LUC7L3: variants seen among roughly 807,000 people sequenced by gnomAD.
LUC7L3 encodes the protein LUC7 like 3 pre-mRNA splicing factor.
In LUC7L3, 6 loss-of-function variants were observed where a neutral mutation model predicts 66.8. That is an observed-to-expected ratio of 0.09 (90% CI 0.05 to 0.18). The LOEUF (loss-of-function observed/expected upper bound fraction) is 0.18. LUC7L3 is among the 10% of genes least tolerant of loss of function. The probability of loss-of-function intolerance (pLI) is 1.00; values close to 1 mark genes in which losing one functional copy is unlikely to be tolerated. For missense variants in LUC7L3, 341 were observed against 531.1 expected, an observed-to-expected ratio of 0.64 and a Z score of 3.52; for synonymous variants, 160 against 174.7, an observed-to-expected ratio of 0.92 and a Z score of 0.66.
At chr17:50,749,432 G>T in intron 9 of LUC7L3, 1 of 1,127,030 alleles carries the variant, frequency 8.9e-7, no homozygotes, top group Non-Finnish European at 1.1e-6. Flanking sequence ...CTTGGACATT[G>T]CTTTGTGTAT....
intron 1 of LUC7L3, among the ~76,000 whole-genome samples, chr17:50,729,375 C>T (rs140152828): frequency 1.9e-3 from 285 of 152,280 alleles, no homozygotes; most frequent in African/African-American, 6.4e-3. Flanking sequence ...TGTTTATTTT[C>T]ATGCATTTGT....
intron 6 of LUC7L3, 143 bp downstream of exon 6, chr17:50,743,953 A>T: frequency 1.6e-6 from 1 of 634,110 alleles, no homozygotes; most frequent in Non-Finnish European, 2.8e-6. Flanking sequence ...GGCATCTACT[A>T]AGCTCTGCCT....
chr17:50,725,086 G>T (rs1969085722), intron 1 of LUC7L3, among the ~76,000 whole-genome samples: 1 of 152,078 alleles, frequency 6.6e-6, no homozygotes. Flanking sequence ...AGTAAGTTAG[G>T]AAAATTGTTG....
Position 50,755,623 on chromosome 17 carries a change from G to T in LUC7L3, c.*4962G>T, listed in dbSNP as rs1287710279. On this transcript the variant is annotated 3_prime_UTR_variant, in exon 10 of 10. Transcript: ENST00000505658. ...ATAGGTCATTTGTCAACAGATTTAA[G>T]AATGTTTAGAAACAACAACTTTGGG... 6.6e-6 allele frequency: 1 copy of T among 152,156 alleles called. No individual in the cohort carries two copies. Among genetic ancestry groups the T allele is most frequent in the Non-Finnish European group, 1.5e-5 (1 of 68,020 alleles). The allele number at this position is 152,156 out of a possible 1,614,324, so 9.4% of individuals were successfully genotyped here. A position where few individuals can be genotyped will look rare whatever the true frequency, so the allele number is the denominator to read the frequency against.
At chr17:50,729,960 G>A (rs961562540) in intron 1 of LUC7L3, among the ~76,000 whole-genome samples, 5 of 138,400 alleles carry the variant, frequency 3.6e-5, no homozygotes, top group Non-Finnish European at 3.1e-5. Context: ...GTATTTTGGG[G>A]GTGGGGAGGT....
chr17:50,735,231 A>C (rs1478571653), intron 1 of LUC7L3, among the ~76,000 whole-genome samples: 1 of 73,288 alleles, frequency 1.4e-5, no homozygotes, highest in Non-Finnish European at 2.4e-5. Flanking sequence ...ACTCTGTCTC[A>C]AAAAAAAAAA....
In LUC7L3 at chr17:50,730,513, C is replaced by CAAAAAAAAAAA. The variant is rs3063109; in HGVS notation, c.100-6432_100-6422dup. On this transcript the variant is annotated intron_variant, in intron 1 of 9. Transcript: ENST00000505658. ...CTGGGCGACAGTAAGACTCTGTCTC[C>CAAAAAAAAAAA]AAAAAAAAAAAAAAAAAAAAAAAAA... Among the ~76,000 whole-genome samples, 27 of 59,088 alleles carry CAAAAAAAAAAA rather than the reference C, an allele frequency of 4.6e-4. 1 individual carries two copies. Among genetic ancestry groups the CAAAAAAAAAAA allele is most frequent in the African/African-American group, 1.1e-3 (15 of 13,254 alleles). 38.8% of individuals were successfully genotyped at this position (59,088 alleles called of 152,430 possible).
chr17:50,742,211 G>A (rs540301089), intron 5 of LUC7L3, among the ~76,000 whole-genome samples: 1 of 152,280 alleles, frequency 6.6e-6, no homozygotes, highest in South Asian at 2.1e-4. Context: ...ACACCTATGA[G>A]AATAGCTAAA....
intron 1 of LUC7L3, among the ~76,000 whole-genome samples, chr17:50,730,585 A>G (rs968512174): frequency 1.1e-4 from 17 of 151,154 alleles, no homozygotes; most frequent in African/African-American, 3.9e-4. Context: ...GATTAGCTCA[A>G]AGGAGAATTG....
intron 1 of LUC7L3, chr17:50,722,773 T>C (rs1968880390): frequency 6.6e-6 from 1 of 152,182 alleles, no homozygotes; most frequent in African/African-American, 2.4e-5. Context: ...ACCAAGGTAT[T>C]TTACTGGGGC....
chr17:50,721,040 C>G (rs1968713165), intron 1 of LUC7L3, among the ~76,000 whole-genome samples: 1 of 151,878 alleles, frequency 6.6e-6, no homozygotes, highest in Non-Finnish European at 1.5e-5. Context: ...GACTAAGGAA[C>G]TGCTTACCTT....
intron 7 of LUC7L3, 47 bp from the exon 8 acceptor site, chr17:50,745,673 A>C (rs745625909): frequency 6.1e-6 from 9 of 1,479,598 alleles, no homozygotes; most frequent in Non-Finnish European, 8.2e-6. Flanking sequence ...TTGTTTAACA[A>C]TGCTTTAAAG....
chr17:50,725,429 A>G (rs1294011953), intron 1 of LUC7L3, among the ~76,000 whole-genome samples: 3 of 152,164 alleles, frequency 2.0e-5, no homozygotes, highest in Non-Finnish European at 2.9e-5. Context: ...AATTAAAAGT[A>G]TTGCTCTTAG....
chr17:50,728,017 CTGAGACGGGAGAATGGCG>C (rs1451442745), intron 1 of LUC7L3, among the ~76,000 whole-genome samples: 1 of 150,702 alleles, frequency 6.6e-6, no homozygotes, highest in Non-Finnish European at 1.5e-5. Flanking sequence ...ACTCGAGAGG[CTGAGACGGGAGAATGGCG>C]TGAACCCGGG....
chr17:50,746,072 A>G, intron 8 of LUC7L3, 69 bp downstream of exon 8: 3 of 1,487,792 alleles, frequency 2.0e-6, no homozygotes, highest in Non-Finnish European at 1.8e-6. Flanking sequence ...AACTACTAGT[A>G]TTATTCCTTG....
rs569293352 is a variant in LUC7L3, at chr17:50,719,667, G to A, written c.-66G>A. ...AGAGCGGGCCGAGGAGATTGGCGAC[G>A]GTGTCGCCCGTGTTTTCGTTGGCGG... On this transcript the variant is annotated 5_prime_UTR_variant, in exon 1 of 10. Coordinates refer to ENST00000505658, the MANE Select transcript of LUC7L3 (RefSeq NM_016424.5). The A allele has an allele frequency of 3.4e-5, 45 of 1,338,876 alleles. No individual in the cohort carries two copies. Among genetic ancestry groups the A allele is most frequent in the Non-Finnish European group, 4.6e-5 (44 of 947,476 alleles). The allele number at this position is 1,338,876 out of a possible 1,614,324, so 82.9% of individuals were successfully genotyped here.
intron 1 of LUC7L3, chr17:50,723,933 C>T (rs187871359): frequency 8.1e-5 from 37 of 454,982 alleles, no homozygotes; most frequent in Non-Finnish European, 1.2e-4. Context: ...CTGCGCCCGG[C>T]TGGCATTTCC....
At chr17:50,733,457 A>C (rs1182903398) in intron 1 of LUC7L3, among the ~76,000 whole-genome samples, 1 of 120,662 alleles carries the variant, frequency 8.3e-6, no homozygotes, top group Non-Finnish European at 1.7e-5. Flanking sequence ...GCTGGAGTGC[A>C]GTGGCGCCAT....
chr17:50,745,392 C>CT (rs1251090082), intron 7 of LUC7L3, among the ~76,000 whole-genome samples: 1 of 152,148 alleles, frequency 6.6e-6, no homozygotes, highest in Non-Finnish European at 1.5e-5. Context: ...TCTAATATGG[C>CT]TTAAATGGAG....
Sources: allele counts gnomAD v4.1 joint callset (sites outside exome capture counted in the v4.1 genomes callset), GRCh38; gene constraint gnomAD v4.1.1; transcripts MANE v1.5; gene names NCBI Gene and HGNC (gene_info 2026-07-23, HGNC 2026-07-21).